The following PHF3 variants were observed in gnomAD, a reference collection of about 807,000 sequenced individuals.
The protein encoded by PHF3 is PHD finger protein 3.
A neutral mutation model predicts 178.4 loss-of-function variants in PHF3; 41 were observed. The observed-to-expected ratio is 0.23, with a 90% CI of 0.18 to 0.30. PHF3 has a LOEUF of 0.30. Among genes scored for constraint, PHF3 ranks in the 10% least tolerant of loss-of-function variants. The probability of loss-of-function intolerance (pLI) is 1.00; values close to 1 mark genes in which losing one functional copy is unlikely to be tolerated. For missense variants in PHF3, 2,346 were observed against 2,398.1 expected (o/e 0.98, Z 0.45); for synonymous variants, 842 against 800.5 (o/e 1.05, Z -0.88).
At chr6:63,709,268 G>A in intron 14 of PHF3, 28 bp downstream of exon 14, 1 of 1,361,788 alleles carries the variant, frequency 7.3e-7, no homozygotes. Context: ...CACTATACCA[G>A]CATGGGAAAA....
intron 2 of PHF3, among the ~76,000 whole-genome samples, chr6:63,656,127 C>A (rs1765224383): frequency 1.3e-5 from 2 of 152,198 alleles, no homozygotes; most frequent in African/African-American, 4.8e-5. Context: ...GAATTTCTGG[C>A]CCAAGGCCGG....
intron 2 of PHF3, among the ~76,000 whole-genome samples, chr6:63,677,769 A>C (rs1438001701): frequency 1.3e-5 from 2 of 152,168 alleles, no homozygotes; most frequent in African/African-American, 4.8e-5. Context: ...TTACAACTAA[A>C]TCACTGATTG....
chr6:63,674,307 C>T (rs1431450023), intron 2 of PHF3, among the ~76,000 whole-genome samples: 10 of 145,000 alleles, frequency 6.9e-5, no homozygotes, highest in Middle Eastern at 3.5e-3. Context: ...TATATATACA[C>T]ACACACATAT....
intron 2 of PHF3, among the ~76,000 whole-genome samples, chr6:63,666,102 C>G (rs1431516010): frequency 2.0e-5 from 3 of 152,140 alleles, no homozygotes; most frequent in Non-Finnish European, 4.4e-5. Context: ...TACACACCCC[C>G]TTAGGAAATG....
At chr6:63,675,950 A>G (rs187537129) in intron 2 of PHF3, among the ~76,000 whole-genome samples, 2 of 152,152 alleles carry the variant, frequency 1.3e-5, no homozygotes, top group Admixed American at 1.3e-4. Flanking sequence ...TCTCTCCTTT[A>G]TTCGTTCTTT....
chr6:63,641,025 C>T (rs377250583), intron 1 of PHF3, among the ~76,000 whole-genome samples: 1 of 152,222 alleles, frequency 6.6e-6, no homozygotes, highest in East Asian at 1.9e-4. Context: ...AGAACAATGC[C>T]TGTCTTGAAG....
intron 2 of PHF3, among the ~76,000 whole-genome samples, chr6:63,662,398 A>G (rs1183055313): frequency 6.6e-6 from 1 of 152,198 alleles, no homozygotes; most frequent in African/African-American, 2.4e-5. Context: ...AGTAAAATTC[A>G]TCAATTTTAT....
At position 63,720,098 on chromosome 6, in the gene PHF3, A is replaced by G. The variant is rs1200441697; in HGVS notation, c.*6390A>G. On this transcript the variant is annotated 3_prime_UTR_variant, in exon 16 of 16. Coordinates refer to ENST00000262043, the MANE Select transcript of PHF3 (RefSeq NM_001370348.2). ...TTCAAGTTTTACATTGTTGAATCAT[A>G]TAAATAAGTTGTAGCTAAGCCATGT... is the stretch of plus-strand genomic sequence containing the variant. 2 of 155,844 alleles carry G rather than the reference A, an allele frequency of 1.3e-5. No individual in the cohort carries two copies. Among genetic ancestry groups the G allele is most frequent in the Non-Finnish European group, 2.8e-5 (2 of 70,636 alleles). 9.7% of individuals were successfully genotyped at this position (155,844 alleles called of 1,614,324 possible).
Position 63,717,193 on chromosome 6 carries a change from A to G in PHF3, c.*3485A>G, listed in dbSNP as rs1024498083. On this transcript the variant is annotated 3_prime_UTR_variant, in exon 16 of 16. Transcript: ENST00000262043. ...TTAACGTGTGTGTTAACATAAAACT[A>G]CCCGTCAACAGGTAACTTTACTCTG... Among the ~76,000 whole-genome samples the G allele has an allele frequency of 6.6e-6, 1 of 151,994 alleles. No homozygotes were observed. The highest frequency in any genetic ancestry group is 2.4e-5 in the African/African-American group (1 of 41,410).
At chr6:63,670,582 G>A (rs1028066992) in intron 2 of PHF3, among the ~76,000 whole-genome samples, 2 of 152,148 alleles carry the variant, frequency 1.3e-5, no homozygotes, top group Admixed American at 6.5e-5. Flanking sequence ...CACCGTGCCC[G>A]GCGGAGGTGT....
In PHF3 at chr6:63,688,110, C is replaced by T. The variant is rs188799745; in HGVS notation, c.2189+2199C>T. Among the ~76,000 whole-genome samples the T allele has an allele frequency of 4.3e-3, 630 of 145,876 alleles. 16 individuals are homozygous for T. In the East Asian group the frequency reaches 0.073, roughly 17 times the overall value. On this transcript the variant is annotated intron_variant, in intron 4 of 15. Coordinates refer to ENST00000262043, the MANE Select transcript of PHF3 (RefSeq NM_001370348.2). ...GAGGCAGGGGAATGGCGCGTGAACC[C>T]GGGAGGCGGAGCTTGCAGTGAGCCG...
chr6:63,678,010 G>A (rs1423442255), intron 2 of PHF3, among the ~76,000 whole-genome samples: 1 of 151,988 alleles, frequency 6.6e-6, no homozygotes, highest in East Asian at 1.9e-4. Context: ...ATCACCTGAG[G>A]TCAGGAGTTC....
Position 63,646,521 on chromosome 6 carries a change from C to A in PHF3, c.-25-6C>A. ...TTCTTATGGTATTTTTTTTGTCTTTCTATAGGGCTGAAAGACACACAGAAG... is the reference window on the plus strand; with the variant it reads ...TTCTTATGGTATTTTTTTTGTCTTTATATAGGGCTGAAAGACACACAGAAG... On this transcript the variant is annotated splice_region_variant and splice_polypyrimidine_tract_variant and intron_variant, in intron 1 of 15. Transcript: ENST00000262043. The A allele has an allele frequency of 6.4e-7, 1 of 1,560,796 alleles. No homozygotes were observed.
rs146401460 is a variant in PHF3 at position 63,654,213 on chromosome 6, A to G, written c.244+7418A>G. On this transcript the variant is annotated intron_variant, in intron 2 of 15. Transcript: ENST00000262043. ...TTGGTATTTGTTCTTTAAATGTTTG[A>G]TAGAATTCTGCAGTGAAGACTGGGT... is the stretch of plus-strand genomic sequence containing the variant. Among the ~76,000 whole-genome samples, 213 of 152,306 alleles carry G rather than the reference A, an allele frequency of 1.4e-3. 2 individuals are homozygous for G. In the South Asian group the frequency reaches 0.023, roughly 16 times the overall value.
chr6:63,650,127 A>G (rs1025633314), intron 2 of PHF3, among the ~76,000 whole-genome samples: 1 of 152,208 alleles, frequency 6.6e-6, no homozygotes, highest in Non-Finnish European at 1.5e-5. Flanking sequence ...AGTTTTTACA[A>G]TATAGTTCAA....
chr6:63,671,459 GT>G (rs1765912974), intron 2 of PHF3, among the ~76,000 whole-genome samples: 2 of 152,016 alleles, frequency 1.3e-5, no homozygotes, highest in African/African-American at 2.4e-5. Flanking sequence ...GATAGAAAAT[GT>G]CTAATTGCTT....
chr6:63,667,310 T>C (rs1402744822), intron 2 of PHF3, among the ~76,000 whole-genome samples: 1 of 152,252 alleles, frequency 6.6e-6, no homozygotes, highest in Non-Finnish European at 1.5e-5. Context: ...AGGATACTTG[T>C]TATTTTAAGC....
At chr6:63,663,672 C>T (rs1021743625) in intron 2 of PHF3, among the ~76,000 whole-genome samples, 1 of 152,118 alleles carries the variant, frequency 6.6e-6, no homozygotes, top group African/African-American at 2.4e-5. Flanking sequence ...GGATTACACT[C>T]AGCTAACAGT....
rs1197338745 is a variant in PHF3 at position 63,684,563 on chromosome 6, G to T, written c.841G>T (p.Val281Phe). The T allele has an allele frequency of 6.2e-7, 1 of 1,614,004 alleles. No homozygotes were observed. The highest frequency in any genetic ancestry group is 2.2e-5 in the East Asian group (1 of 44,876). The change falls in exon 4 of 16, where the codon GTT becomes TTT. Residue 281 changes from valine to phenylalanine, a missense_variant. Coordinates refer to ENST00000262043, the MANE Select transcript of PHF3 (RefSeq NM_001370348.2). ...EALMECKAKPVGSPLFKFSDK... is the reference protein window; with the variant it reads ...EALMECKAKPFGSPLFKFSDK... ...TTTGATGGAATGTAAAGCCAAGCCT[G>T]TTGGTAGTCCATTGTTTAAGTTTTC...
Sources: gnomAD v4.1 joint callset for allele counts (sites outside exome capture counted in the v4.1 genomes callset) on GRCh38, gnomAD v4.1.1 for gene constraint, MANE v1.5 for transcripts, NCBI Gene and HGNC (gene_info 2026-07-23, HGNC 2026-07-21) for gene names.